POTEJ: variants seen among roughly 807,000 people sequenced by gnomAD.
POTEJ encodes the protein POTE ankyrin domain family member J.
Under a neutral mutation model 69.0 loss-of-function variants are expected in POTEJ, and 11 were observed. The ratio of observed to expected loss-of-function variants is 0.16; its 90% CI spans 0.10 to 0.26. The LOEUF (loss-of-function observed/expected upper bound fraction) is 0.26, where lower values mean the gene tolerates loss of function less well. Among genes scored for constraint, POTEJ ranks in the 10% least tolerant of loss-of-function variants. The pLI, the probability that POTEJ is intolerant of heterozygous loss-of-function variation, is 1.00. For synonymous variants in POTEJ, 117 were observed against 381.1 expected (o/e 0.31, Z 8.07); for missense variants, 327 against 1,045.5 (o/e 0.31, Z 9.48).
intron 14 of POTEJ, among the ~76,000 whole-genome samples, chr2:130,656,128 G>A (rs1263542889): frequency 1.4e-5 from 2 of 145,682 alleles, no homozygotes; most frequent in Admixed American, 1.4e-4. Context: ...TTAGGATGGT[G>A]TGGTTGATAG....
At chr2:130,649,038 C>T (rs1417786600) in intron 13 of POTEJ, among the ~76,000 whole-genome samples, 133 of 135,174 alleles carry the variant, frequency 9.8e-4, no homozygotes, top group African/African-American at 3.8e-3. Context: ...GTGATCTGCC[C>T]GCCTTGGCCT....
intron 6 of POTEJ, among the ~76,000 whole-genome samples, chr2:130,625,581 A>C (rs1354387602): frequency 6.6e-6 from 1 of 150,834 alleles, no homozygotes; most frequent in Non-Finnish European, 1.5e-5. Flanking sequence ...AAAGAAGCAG[A>C]AGAAGAATGT....
At chr2:130,640,493 T>A (rs552246397) in intron 10 of POTEJ, among the ~76,000 whole-genome samples, 34 of 151,826 alleles carry the variant, frequency 2.2e-4, no homozygotes, top group African/African-American at 7.0e-4. Context: ...GTTGTTTTTT[T>A]ATTCATTGAT....
intron 13 of POTEJ, among the ~76,000 whole-genome samples, chr2:130,648,783 T>A: frequency 1.5e-5 from 1 of 65,630 alleles, no homozygotes; most frequent in South Asian, 5.2e-4. Flanking sequence ...TTCTCATAGT[T>A]TTTTTTTTTT....
intron 14 of POTEJ, among the ~76,000 whole-genome samples, chr2:130,655,284 T>C (rs1686944714): frequency 6.6e-6 from 1 of 152,146 alleles, no homozygotes; most frequent in African/African-American, 2.4e-5. Context: ...GTATTTGATG[T>C]TTTTCATAAG....
rs1685720542 is a variant in POTEJ at position 130,626,709 on chromosome 2, C to T, written c.1015+2575C>T. ...CAAAGGAAGTTTTTGCAGTAGTCAGCTATAGTTTCCTTGTCATACATCCTT... is the reference window on the plus strand; with the variant it reads ...CAAAGGAAGTTTTTGCAGTAGTCAGTTATAGTTTCCTTGTCATACATCCTT... On this transcript the variant is annotated intron_variant, in intron 6 of 14. Coordinates refer to ENST00000409602, the MANE Select transcript of POTEJ (RefSeq NM_001277083.2). Among the ~76,000 whole-genome samples the T allele has an allele frequency of 2.6e-5, 4 of 152,274 alleles. No homozygotes were observed. In the South Asian group the frequency reaches 8.3e-4, roughly 32 times the overall value.
intron 1 of POTEJ, among the ~76,000 whole-genome samples, chr2:130,612,644 T>C (rs1685254072): frequency 7.0e-6 from 1 of 141,906 alleles, no homozygotes; most frequent in Admixed American, 7.1e-5. Context: ...GTGCCTGTAG[T>C]CCCAGCTACT....
Position 130,656,807 on chromosome 2 carries a change from G to A in POTEJ, c.2047G>A (p.Gly683Ser), listed in dbSNP as rs62165277. 14,107 of 1,608,588 alleles carry A rather than the reference G, an allele frequency of 8.8e-3. 2 individuals carry two copies. The highest frequency in any genetic ancestry group is 0.011 in the Non-Finnish European group (12,644 of 1,178,806). Residue 683 changes from glycine to serine, a missense_variant, in exon 15 of 15, where the codon GGC (glycine) becomes AGC (serine). Transcript: ENST00000409602. ...IDNGSGMCKA[G>S]FAGDDAPRAV... Reference sequence around the variant, plus strand: ...CAACGGCTCTGGCATGTGCAAGGCCGGCTTTGCGGGCGACGATGCCCCCCG... The same window carrying A: ...CAACGGCTCTGGCATGTGCAAGGCCAGCTTTGCGGGCGACGATGCCCCCCG...
At chr2:130,613,384 GTATATATATA>G (rs753097212) in intron 1 of POTEJ, among the ~76,000 whole-genome samples, 890 of 83,468 alleles carry the variant, frequency 0.011, 15 homozygotes, top group African/African-American at 0.037. Context: ...GTGTGTGTGT[GTATATATATA>G]TATATATATA....
chr2:130,637,039 A>T (rs1447738179), intron 9 of POTEJ, among the ~76,000 whole-genome samples: 2 of 147,298 alleles, frequency 1.4e-5, no homozygotes, highest in Non-Finnish European at 3.0e-5. Context: ...AGATCGTTGC[A>T]CTGCACTCCA....
rs564088931 is a variant in POTEJ at position 130,640,898 on chromosome 2, G to A, written c.1369+2209G>A. Among the ~76,000 whole-genome samples the A allele has an allele frequency of 1.3e-3, 199 of 151,960 alleles. No individual in the cohort carries two copies. The Middle Eastern group carries it at 0.027, about 21-fold the overall frequency. The stretch of plus-strand genomic sequence containing the variant: ...TATTGATAGGGAGCCAACAATGTGT[G>A]CTGCAGGGGCTCATTGGAGAAATTT... On this transcript the variant is annotated intron_variant, in intron 10 of 14. Coordinates refer to ENST00000409602, the MANE Select transcript of POTEJ (RefSeq NM_001277083.2).
At chr2:130,618,774 CTTT>C (rs1204750696) in intron 3 of POTEJ, among the ~76,000 whole-genome samples, 38 of 32,174 alleles carry the variant, frequency 1.2e-3, no homozygotes, top group African/African-American at 6.3e-3. Flanking sequence ...ATTAATCTGA[CTTT>C]TTTTTTTTTT....
rs1686833866 is a variant in POTEJ, at chr2:130,652,214, C to G, written c.1668-2707C>G. On this transcript the variant is annotated intron_variant, in intron 13 of 14. Transcript: ENST00000409602. ...CTTATGAAGAAGGTGCCTGCTTCCC[C>G]TTCCCCTTCTACCATGGTTGTTAAG... Among the ~76,000 whole-genome samples the G allele has an allele frequency of 1.5e-5, 2 of 135,858 alleles. 1 individual carries two copies. The highest frequency in any genetic ancestry group is 5.7e-5 in the African/African-American group (2 of 35,188). The allele number at this position is 135,858 out of a possible 152,430, so 89.1% of individuals were successfully genotyped here. A position where few individuals can be genotyped will look rare whatever the true frequency, so the allele number is the denominator to read the frequency against.
intron 3 of POTEJ, among the ~76,000 whole-genome samples, chr2:130,618,576 C>G: frequency 6.8e-6 from 1 of 147,144 alleles, no homozygotes; most frequent in East Asian, 1.9e-4. Context: ...CTGTCTCTAA[C>G]AACAACAACA....
intron 6 of POTEJ, among the ~76,000 whole-genome samples, chr2:130,629,621 T>C (rs1685834712): frequency 6.6e-6 from 1 of 150,444 alleles, no homozygotes; most frequent in Admixed American, 6.6e-5. Flanking sequence ...CTAAATTTCC[T>C]TTTCTTTACA....
At chr2:130,639,273 A>G (rs1277796407) in intron 10 of POTEJ, among the ~76,000 whole-genome samples, 2 of 152,308 alleles carry the variant, frequency 1.3e-5, no homozygotes, top group Non-Finnish European at 2.9e-5. Context: ...CCATAGATTT[A>G]AAAAGTAAAA....
intron 14 of POTEJ, among the ~76,000 whole-genome samples, chr2:130,656,079 G>A (rs1321261974): frequency 6.9e-6 from 1 of 145,466 alleles, no homozygotes; most frequent in Non-Finnish European, 1.5e-5. Flanking sequence ...AGAACTTTGA[G>A]AAATTCCTTC....
At chr2:130,651,983 C>CA (rs1553481492) in intron 13 of POTEJ, among the ~76,000 whole-genome samples, 2 of 133,294 alleles carry the variant, frequency 1.5e-5, no homozygotes, top group Non-Finnish European at 3.1e-5. Context: ...TACCCCCCCC[C>CA]AATAGTTTGG....
rs889573038 is a variant in POTEJ at position 130,630,998 on chromosome 2, G to A, written c.1087-411G>A. The stretch of plus-strand genomic sequence containing the variant: ...GCACTGTAGGGGCTCACTTGTTAGG[G>A]TTTCATGAGGTAAACTCTTTTCAAG... On this transcript the variant is annotated intron_variant, in intron 7 of 14. Transcript: ENST00000409602. 6.3e-5 allele frequency among the ~76,000 whole-genome samples: 9 copies of A among 143,966 alleles called. 1 individual carries two copies. The highest frequency in any genetic ancestry group is 1.1e-4 in the Non-Finnish European group (7 of 66,224). The allele number at this position is 143,966 out of a possible 152,430, so 94.4% of individuals were successfully genotyped here. A position where few individuals can be genotyped will look rare whatever the true frequency, so the allele number is the denominator to read the frequency against.
Sources: allele counts gnomAD v4.1 joint callset (sites outside exome capture counted in the v4.1 genomes callset), GRCh38; gene constraint gnomAD v4.1.1; transcripts MANE v1.5; gene names NCBI Gene and HGNC (gene_info 2026-07-23, HGNC 2026-07-21).